The following NPC1L1 variants were observed in gnomAD, a reference collection of about 807,000 sequenced individuals.
NPC1L1 encodes the protein NPC1 like intracellular cholesterol transporter 1.
NPC1L1 carries 98 observed loss-of-function variants against 117.0 expected under a neutral mutation model. The ratio of observed to expected loss-of-function variants is 0.84; its 90% CI spans 0.71 to 0.99. The LOEUF (loss-of-function observed/expected upper bound fraction) is 0.99, where lower values mean the gene tolerates loss of function less well. Ranked by LOEUF, NPC1L1 falls within the 50% of genes least tolerant of loss-of-function variation. NPC1L1 has a pLI of 0.00. For missense variants in NPC1L1, 1,540 were observed against 1,710.0 expected, an observed-to-expected ratio of 0.90 and a Z score of 1.75; for synonymous variants, 729 against 727.6, an observed-to-expected ratio of 1.00 and a Z score of -0.03.
rs140093298 is a variant in NPC1L1 at position 44,531,821 on chromosome 7, G to A, written c.2571C>T (p.Phe857=). ...GGCACATGGAGTAGAGGCTCACTCC[G>A]AACAGGGCGAGAAACAGCAGCAGCT... ...GVVLLLFLAL[F]GVSLYSMCHI... Residue 857 remains phenylalanine, a synonymous_variant, in exon 10 of 19, where the codon TTC becomes TTT. Coordinates refer to ENST00000381160, the MANE Select transcript of NPC1L1 (RefSeq NM_001101648.2). 2.0e-5 allele frequency: 32 copies of A among 1,587,072 alleles called. No homozygotes were observed. The highest frequency in any genetic ancestry group is 4.0e-5 in the African/African-American group (3 of 74,494).
chr7:44,524,302 T>G (rs976728031), intron 10 of NPC1L1, among the ~76,000 whole-genome samples: 2 of 151,982 alleles, frequency 1.3e-5, no homozygotes, highest in Admixed American at 1.3e-4. Flanking sequence ...GAGAATCTGA[T>G]CTCCAGAGCT....
Position 44,536,033 on chromosome 7 carries a change from A to G in NPC1L1, c.1855-65T>C, listed in dbSNP as rs1801878736. Reference sequence around the variant, plus strand: ...TGCTTCAGCCAGGCCAGCTCTCAATAGCTCGGTCACTGGGCACTAATTGTG... The same window carrying G: ...TGCTTCAGCCAGGCCAGCTCTCAATGGCTCGGTCACTGGGCACTAATTGTG... On this transcript the variant is annotated intron_variant, in intron 4 of 18. Coordinates refer to ENST00000381160, the MANE Select transcript of NPC1L1 (RefSeq NM_001101648.2). This position sits in a 1 kb window ranked among gnomAD's most constrained non-coding sequence, Gnocchi z 4.7. 8.7e-6 allele frequency: 14 copies of G among 1,610,982 alleles called. No homozygotes were observed. The South Asian group carries it at 8.8e-5, about 10-fold the overall frequency.
At chr7:44,537,097 T>C (rs1801924357) in intron 2 of NPC1L1, among the ~76,000 whole-genome samples, 155 bp from the exon 3 acceptor site, 1 of 151,906 alleles carries the variant, frequency 6.6e-6, no homozygotes, top group Admixed American at 6.5e-5. Flanking sequence ...GCTATCTGCA[T>C]TTAGGCCATT....
chr7:44,516,643 G>T (rs942654457), intron 16 of NPC1L1, 60 bp downstream of exon 16: 9 of 1,323,410 alleles, frequency 6.8e-6, no homozygotes, highest in African/African-American at 5.8e-5. Flanking sequence ...AGTATTCTAT[G>T]AGGCTGGATC....
chr7:44,527,693 A>G (rs768872840), intron 10 of NPC1L1, among the ~76,000 whole-genome samples: 3 of 152,096 alleles, frequency 2.0e-5, no homozygotes, highest in Non-Finnish European at 4.4e-5. Context: ...AAATAAATAA[A>G]TAAATCCCTG....
Position 44,536,219 on chromosome 7 carries a change from G to T in NPC1L1, c.1854+37C>A. ...CAGGAACTGACCCAAGACCACCTGG[G>T]TTGCACCCCCAGAGCCAGGGACCCT... On this transcript the variant is annotated intron_variant, in intron 4 of 18. Transcript: ENST00000381160. The surrounding 1 kb of genome is among the most constrained non-coding windows in gnomAD (Gnocchi z 4.7). 6.2e-7 allele frequency: 1 copy of T among 1,612,138 alleles called. No individual in the cohort carries two copies. The highest frequency in any genetic ancestry group is 8.5e-7 in the Non-Finnish European group (1 of 1,179,814).
intron 2 of NPC1L1, among the ~76,000 whole-genome samples, chr7:44,537,877 C>T (rs553021220): frequency 6.6e-6 from 1 of 152,314 alleles, no homozygotes; most frequent in East Asian, 1.9e-4. Flanking sequence ...AGAGAGAGCC[C>T]TTGGGTTCCT....
At chr7:44,541,148 G>T in intron 1 of NPC1L1, 58 bp downstream of exon 1, 1 of 1,525,574 alleles carries the variant, frequency 6.6e-7, no homozygotes, top group South Asian at 1.2e-5. Context: ...TACACGGCTG[G>T]CCCCAGGGTC....
intron 2 of NPC1L1, 104 bp from the exon 3 acceptor site, chr7:44,537,046 G>C: frequency 2.3e-6 from 2 of 883,802 alleles, no homozygotes; most frequent in Non-Finnish European, 3.5e-6. Flanking sequence ...ACTATGGAGG[G>C]TGAGCTGGTG....
intron 6 of NPC1L1, 63 bp from the exon 7 acceptor site, chr7:44,533,916 G>T (rs1801783086): frequency 1.4e-6 from 2 of 1,410,200 alleles, no homozygotes; most frequent in South Asian, 2.5e-5. Context: ...TCAAAGGCCA[G>T]CAGGGAGTTG....
At position 44,515,707 on chromosome 7, in the gene NPC1L1, G is replaced by A. The variant is rs75336131; in HGVS notation, c.3796+96C>T. On this transcript the variant is annotated intron_variant, in intron 18 of 18. Transcript: ENST00000381160. The stretch of plus-strand genomic sequence containing the variant: ...GGCTTCTGACATCTGCCCATGGCTC[G>A]TTTGCACTTCCTGAGCTTTTGTGGT... 1,281 of 1,498,060 alleles carry A rather than the reference G, an allele frequency of 8.6e-4. 11 individuals are homozygous for A. In the African/African-American group the frequency reaches 0.015, roughly 17 times the overall value. 92.8% of individuals were successfully genotyped at this position (1,498,060 alleles called of 1,614,324 possible).
In NPC1L1 at chr7:44,517,221, C is replaced by G. The variant is rs1801218084; in HGVS notation, c.3273G>C (p.Glu1091Asp). 1 of 1,613,878 alleles carries G rather than the reference C, an allele frequency of 6.2e-7. No homozygotes were observed. Among genetic ancestry groups the G allele is most frequent in the Admixed American group, 1.7e-5 (1 of 59,982 alleles). Reference protein sequence around the residue: ...RKVPGTDPAFEVFPYTITNVF... With the variant: ...RKVPGTDPAFDVFPYTITNVF... Reference sequence around the variant, plus strand: ...CAGGTCCTCACGTGTAGGGGAAGACCTCAAAAGCCGGGTCTGTTCCAGGCA... The same window carrying G: ...CAGGTCCTCACGTGTAGGGGAAGACGTCAAAAGCCGGGTCTGTTCCAGGCA... Residue 1091 changes from glutamate (E) to aspartate (D), a missense_variant, in exon 15 of 19, where the codon GAG (glutamate) becomes GAC (aspartate). Transcript: ENST00000381160.
chr7:44,513,516 G>A lies in NPC1L1; in HGVS notation c.3930C>T (p.Ser1310=). ...CAGCACCTTTGATAGAACCTTCAAAGCTGTGGTTGACATAGATGTTGTCAG... is the reference window on the plus strand; with the variant it reads ...CAGCACCTTTGATAGAACCTTCAAAACTGTGGTTGACATAGATGTTGTCAG... ...STADNIYVNH[S]FEGSIKGAGA... Residue 1310 remains serine (S), a synonymous_variant, in exon 19 of 19, where the codon AGC becomes AGT. Coordinates refer to ENST00000381160, the MANE Select transcript of NPC1L1 (RefSeq NM_001101648.2). The A allele has an allele frequency of 6.2e-7, 1 of 1,614,236 alleles. No homozygotes were observed.
chr7:44,524,723 G>A (rs1801457260), intron 10 of NPC1L1, among the ~76,000 whole-genome samples: 1 of 152,098 alleles, frequency 6.6e-6, no homozygotes, highest in South Asian at 2.1e-4. Context: ...CAGCCTGGGT[G>A]ATAGAGCAAG....
At chr7:44,524,292 G>A (rs1232494966) in intron 10 of NPC1L1, among the ~76,000 whole-genome samples, 2 of 152,146 alleles carry the variant, frequency 1.3e-5, no homozygotes, top group Admixed American at 6.6e-5. Flanking sequence ...GGGAAAGAAG[G>A]AGAATCTGAT....
At chr7:44,535,225 C>T (rs1373841824) in intron 5 of NPC1L1, among the ~76,000 whole-genome samples, 2 of 152,072 alleles carry the variant, frequency 1.3e-5, no homozygotes, top group African/African-American at 2.4e-5. Flanking sequence ...ATTAGCCAGG[C>T]GTGGTGACAC....
In NPC1L1 at chr7:44,520,073, A is replaced by C. The variant is rs1341852985; in HGVS notation, c.3136+692T>G. Among the ~76,000 whole-genome samples, 3 of 152,266 alleles carry C rather than the reference A, an allele frequency of 2.0e-5. No individual in the cohort carries two copies. The East Asian group carries it at 5.8e-4, about 29-fold the overall frequency. On this transcript the variant is annotated intron_variant, in intron 14 of 18. Transcript: ENST00000381160. ...GGCAGGCATATCACCTGAGGTCAGG[A>C]GTTTGAGACCAGCTTGGCCAACGTG...
Position 44,513,593 on chromosome 7 carries a change from C to T in NPC1L1, c.3853G>A (p.Ala1285Thr). ...LEQKRAEEAV[A>T]AVMVASCPNH... ...GGGCAAGAGGCCACCATGACTGCTG[C>T]CACCGCCTCCTCAGCCCGCTTCTGC... The change falls in exon 19 of 19, where the codon GCA (alanine) becomes ACA (threonine). Residue 1285 changes from alanine to threonine, a missense_variant. Physicochemically the swap from Ala to Thr is moderately conservative, Grantham distance 58. Around this residue, in one of 3 missense-constraint regions of NPC1L1, gnomAD observed 742 missense variants for 873.6 expected, o/e 0.85. Transcript: ENST00000381160. 1 of 1,613,908 alleles carries T rather than the reference C, an allele frequency of 6.2e-7. No individual in the cohort carries two copies. Among genetic ancestry groups the T allele is most frequent in the Non-Finnish European group, 8.5e-7 (1 of 1,180,020 alleles).
At chr7:44,529,401 C>T (rs1476352600) in intron 10 of NPC1L1, among the ~76,000 whole-genome samples, 19 of 146,536 alleles carry the variant, frequency 1.3e-4, no homozygotes, top group Admixed American at 4.1e-4. Context: ...TTTTTTGAGA[C>T]GAATCCTCAC....
Sources: gnomAD v4.1 joint callset for allele counts (sites outside exome capture counted in the v4.1 genomes callset) on GRCh38, gnomAD v4.1.1 for gene constraint, gnomAD v4.1.1 regional missense constraint, Gnocchi (gnomAD v3.1) non-coding constraint, MANE v1.5 for transcripts, NCBI Gene and HGNC (gene_info 2026-07-23, HGNC 2026-07-21) for gene names.